WARS2: variants seen among roughly 807,000 people sequenced by gnomAD.
WARS2 encodes tryptophan--tRNA ligase, mitochondrial.
Under a neutral mutation model 36.5 loss-of-function variants are expected in WARS2, and 28 were observed. The observed-to-expected ratio is 0.77, with a 90% CI of 0.57 to 1.05. The LOEUF is 1.05. WARS2 is among the 50% of genes least tolerant of loss of function. The probability of loss-of-function intolerance (pLI) is 0.00; values close to 1 mark genes in which losing one functional copy is unlikely to be tolerated. For missense variants in WARS2, 435 were observed against 456.8 expected (o/e 0.95, Z 0.44); for synonymous variants, 174 against 178.4 (o/e 0.98, Z 0.20).
At chr1:119,133,474 G>T (rs1656251594) in intron 1 of WARS2, among the ~76,000 whole-genome samples, 1 of 152,140 alleles carries the variant, frequency 6.6e-6, no homozygotes, top group Non-Finnish European at 1.5e-5. Flanking sequence ...TTTACATTTT[G>T]GTTCTGACAC....
At chr1:119,137,017 T>A (rs587602785) in intron 1 of WARS2, among the ~76,000 whole-genome samples, 7 of 152,084 alleles carry the variant, frequency 4.6e-5, no homozygotes, top group African/African-American at 1.7e-4. Context: ...GCCAAGGTCA[T>A]GAAGGAGAAA....
chr1:119,032,787 C>T lies in WARS2; in HGVS notation c.*124G>A. 1.1e-6 allele frequency: 1 copy of T among 890,772 alleles called. No individual in the cohort carries two copies. The highest frequency in any genetic ancestry group is 1.7e-6 in the Non-Finnish European group (1 of 594,218). 55.2% of individuals were successfully genotyped at this position (890,772 alleles called of 1,614,324 possible). ...CAAAGCAATATTCATCAAATAAAGC[C>T]AATAATCAGCTATACCAAATTAAAT... is the stretch of plus-strand genomic sequence containing the variant. On this transcript the variant is annotated 3_prime_UTR_variant, in exon 6 of 6. Coordinates refer to ENST00000235521, the MANE Select transcript of WARS2 (RefSeq NM_015836.4).
At chr1:119,088,811 G>A (rs1229806021) in intron 1 of WARS2, among the ~76,000 whole-genome samples, 1 of 152,210 alleles carries the variant, frequency 6.6e-6, no homozygotes, top group African/African-American at 2.4e-5. Flanking sequence ...TAACACCACT[G>A]AGGAGTGTTC....
At chr1:119,107,671 AAGAGAGAGAGAGAG>A (rs61528583) in intron 1 of WARS2, among the ~76,000 whole-genome samples, 66,153 of 149,666 alleles carry the variant, frequency 0.44, 15,516 homozygotes, top group East Asian at 0.84. Flanking sequence ...TAGAAAAAGA[AAGAGAGAGAGAGAG>A]AGAGAGAGAG....
chr1:119,076,629 A>G (rs774400311), intron 1 of WARS2, 22 bp from the exon 2 acceptor site: 2 of 1,613,096 alleles, frequency 1.2e-6, no homozygotes, highest in South Asian at 2.2e-5. Flanking sequence ...GAAAACAAGC[A>G]TATTTGCTTT....
chr1:119,088,508 T>C (rs1652829836), intron 1 of WARS2, among the ~76,000 whole-genome samples: 1 of 152,030 alleles, frequency 6.6e-6, no homozygotes, highest in Non-Finnish European at 1.5e-5. Context: ...GTTCACTTGC[T>C]AGTAATTTAC....
chr1:119,127,396 C>A (rs1344306694), intron 1 of WARS2: 1 of 422,364 alleles, frequency 2.4e-6, no homozygotes, highest in South Asian at 2.3e-5. Flanking sequence ...CACAAGGTCA[C>A]ACTGCCAGTA....
intron 1 of WARS2, chr1:119,085,130 C>A (rs112427934): frequency 1.3e-6 from 1 of 783,104 alleles, no homozygotes; most frequent in African/African-American, 1.7e-5. Flanking sequence ...GCCCGTTGTA[C>A]GGGCTAGAAA....
At chr1:119,043,422 T>C (rs1648537815) in intron 3 of WARS2, among the ~76,000 whole-genome samples, 1 of 152,210 alleles carries the variant, frequency 6.6e-6, no homozygotes. Flanking sequence ...GACATATTTT[T>C]TAAGGCTCAG....
intron 1 of WARS2, among the ~76,000 whole-genome samples, chr1:119,112,107 A>G (rs1004340330): frequency 6.6e-6 from 1 of 152,068 alleles, no homozygotes; most frequent in Non-Finnish European, 1.5e-5. Flanking sequence ...TTTTTAGTAG[A>G]GACGGGGTTT....
intron 2 of WARS2, among the ~76,000 whole-genome samples, chr1:119,069,160 T>G (rs1308830586): frequency 1.3e-5 from 2 of 152,204 alleles, no homozygotes; most frequent in African/African-American, 2.4e-5. Context: ...AAAAATAGCC[T>G]TTATAATTTA....
At chr1:119,092,064 G>T (rs1167784773) in intron 1 of WARS2, among the ~76,000 whole-genome samples, 2 of 152,202 alleles carry the variant, frequency 1.3e-5, no homozygotes, top group Non-Finnish European at 2.9e-5. Flanking sequence ...AGCAACACAG[G>T]GGTATATTTG....
At chr1:119,121,539 C>G (rs1185427922) in intron 1 of WARS2, among the ~76,000 whole-genome samples, 1 of 151,874 alleles carries the variant, frequency 6.6e-6, no homozygotes, top group African/African-American at 2.4e-5. Flanking sequence ...CTAGAAAAAA[C>G]AATCCTAAAA....
At chr1:119,071,974 G>GAA (rs894581316) in intron 2 of WARS2, among the ~76,000 whole-genome samples, 7 of 151,676 alleles carry the variant, frequency 4.6e-5, no homozygotes, top group Non-Finnish European at 7.4e-5. Flanking sequence ...TTAAAAAGAA[G>GAA]AAAAAGAAAA....
intron 1 of WARS2, among the ~76,000 whole-genome samples, chr1:119,077,513 G>A (rs949808454): frequency 1.3e-5 from 2 of 151,814 alleles, no homozygotes; most frequent in Admixed American, 1.3e-4. Flanking sequence ...TGAGATCTTG[G>A]GCTAGAAATT....
chr1:119,033,371 A>G lies in WARS2; in HGVS notation c.635-12T>C. 6.2e-7 allele frequency: 1 copy of G among 1,613,858 alleles called. No individual in the cohort carries two copies. Among genetic ancestry groups the G allele is most frequent in the South Asian group, 1.1e-5 (1 of 91,074 alleles). On this transcript the variant is annotated splice_polypyrimidine_tract_variant and intron_variant, in intron 5 of 5. Coordinates refer to ENST00000235521, the MANE Select transcript of WARS2 (RefSeq NM_015836.4). Reference sequence around the variant, plus strand: ...CTTCTTCATGGATGCTAGGTTAAAAACACCAACACACACATACCCAAAACA... The same window carrying G: ...CTTCTTCATGGATGCTAGGTTAAAAGCACCAACACACACATACCCAAAACA...
At chr1:119,129,737 AT>A (rs1321406876) in intron 1 of WARS2, among the ~76,000 whole-genome samples, 4 of 151,406 alleles carry the variant, frequency 2.6e-5, no homozygotes, top group African/African-American at 9.7e-5. Flanking sequence ...TAAAAAAAAA[AT>A]AAAATAAAAT....
chr1:119,128,680 C>A (rs1010925543), intron 1 of WARS2, among the ~76,000 whole-genome samples: 7 of 148,650 alleles, frequency 4.7e-5, no homozygotes, highest in Admixed American at 3.5e-4. Context: ...TGACAGTAAT[C>A]CCATCAGTGG....
Position 119,032,434 on chromosome 1 carries a change from G to A in WARS2, c.*477C>T, listed in dbSNP as rs1647498647. 6.5e-6 allele frequency: 1 copy of A among 154,210 alleles called. No homozygotes were observed. The highest frequency in any genetic ancestry group is 1.4e-5 in the Non-Finnish European group (1 of 69,530). The allele number at this position is 154,210 out of a possible 1,614,324, so 9.6% of individuals were successfully genotyped here. Reference sequence around the variant, plus strand: ...TCAGTGACAAACAAACTATAAGAATGGACTTGTTTTTATGAGCTCTGAATA... The same window carrying A: ...TCAGTGACAAACAAACTATAAGAATAGACTTGTTTTTATGAGCTCTGAATA... On this transcript the variant is annotated 3_prime_UTR_variant, in exon 6 of 6. Transcript: ENST00000235521.
Sources: gnomAD v4.1 joint callset for allele counts (sites outside exome capture counted in the v4.1 genomes callset) on GRCh38, gnomAD v4.1.1 for gene constraint, MANE v1.5 for transcripts, NCBI Gene and HGNC (gene_info 2026-07-23, HGNC 2026-07-21) for gene names.